The following CANT1 variants were observed in gnomAD, a reference collection of about 807,000 sequenced individuals.
CANT1 encodes calcium activated nucleotidase 1, also known as soluble calcium-activated nucleotidase 1.
In CANT1, 26 loss-of-function variants were observed where a neutral mutation model predicts 30.0. That is an observed-to-expected ratio of 0.87 (90% CI 0.64 to 1.20). The LOEUF is 1.20. CANT1 is among the 50% of genes most tolerant of loss of function. The pLI, the probability that CANT1 is intolerant of heterozygous loss-of-function variation, is 0.00. For missense variants in CANT1, 518 were observed against 563.0 expected (o/e 0.92, Z 0.81); for synonymous variants, 246 against 251.8 (o/e 0.98, Z 0.22).
chr17:78,999,404 C>A (rs1207856802), intron 1 of CANT1, among the ~76,000 whole-genome samples: 2 of 152,212 alleles, frequency 1.3e-5, no homozygotes, highest in African/African-American at 2.4e-5. Context: ...AGTCCCAAGG[C>A]CTCAAAACCC....
chr17:79,001,609 A>C (rs2071266975), intron 1 of CANT1, among the ~76,000 whole-genome samples: 1 of 106,976 alleles, frequency 9.3e-6, no homozygotes, highest in Non-Finnish European at 1.8e-5. Context: ...GAGCACCCAC[A>C]CCTACACCCT....
chr17:78,998,754 C>T lies in CANT1; in HGVS notation c.-146-791G>A, dbSNP rs1017694583. ...CAGTGGGGCGTGGGGAGACAGCTCC[C>T]GGTGCTTCGATCGAGAACACTGGCC... On this transcript the variant is annotated intron_variant, in intron 1 of 4. Transcript: ENST00000392446. The surrounding 1 kb of genome is among the most constrained non-coding windows in gnomAD (Gnocchi z 4.5). 2.0e-5 allele frequency among the ~76,000 whole-genome samples: 3 copies of T among 152,274 alleles called. No homozygotes were observed. Among genetic ancestry groups the T allele is most frequent in the African/African-American group, 4.8e-5 (2 of 41,480 alleles).
chr17:78,993,790 G>A lies in CANT1; in HGVS notation c.966C>T (p.Ser322=), dbSNP rs140989921. The A allele has an allele frequency of 1.3e-4, 206 of 1,611,694 alleles. No individual in the cohort carries two copies. In the African/African-American group the frequency reaches 2.0e-3, roughly 16 times the overall value. ...DERKGANLLL[S]ASPDFGDIAV... Reference sequence around the variant, plus strand: ...CGATGTCGCCGAAGTCAGGGGAGGCGCTCAGCAGCAGGTTGGCGCCCTTGC... The same window carrying A: ...CGATGTCGCCGAAGTCAGGGGAGGCACTCAGCAGCAGGTTGGCGCCCTTGC... Residue 322 remains serine, a synonymous_variant, in exon 5 of 5, where the codon AGC becomes AGT. Transcript: ENST00000392446. This position sits in a 1 kb window ranked among gnomAD's most constrained non-coding sequence, Gnocchi z 4.5.
intron 4 of CANT1, among the ~76,000 whole-genome samples, chr17:78,994,311 G>A (rs2070950548): frequency 6.6e-6 from 1 of 152,192 alleles, no homozygotes; most frequent in Non-Finnish European, 1.5e-5. Context: ...ACAGCGTCTG[G>A]GGCCCCAGGC....
rs762657003 is a variant in CANT1, at chr17:78,998,010, G to A, written c.-146-47C>T. ...AGTCAGGTGGGAGGGGAAGGCTGACGGGGTGAAGTGGGATAGGATCATAGA... is the reference window on the plus strand; with the variant it reads ...AGTCAGGTGGGAGGGGAAGGCTGACAGGGTGAAGTGGGATAGGATCATAGA... On this transcript the variant is annotated intron_variant, in intron 1 of 4. Coordinates refer to ENST00000392446, the MANE Select transcript of CANT1 (RefSeq NM_001159773.2). The surrounding 1 kb of genome is among the most constrained non-coding windows in gnomAD (Gnocchi z 4.5). The A allele has an allele frequency of 1.0e-4, 27 of 258,758 alleles. No individual in the cohort carries two copies. Among genetic ancestry groups the A allele is most frequent in the Middle Eastern group, 1.2e-3 (1 of 852 alleles). The allele number at this position is 258,758 out of a possible 1,614,324, so 16.0% of individuals were successfully genotyped here.
chr17:79,000,464 T>G (rs2145845059), intron 1 of CANT1, among the ~76,000 whole-genome samples: 1 of 138,428 alleles, frequency 7.2e-6, no homozygotes, highest in East Asian at 2.3e-4. Context: ...GACACTCCCA[T>G]ACCCCCCGCC....
rs868277630 is a variant in CANT1, at chr17:78,997,944, G to C, written c.-127C>G. 8.6e-6 allele frequency: 3 copies of C among 349,716 alleles called. No individual in the cohort carries two copies. The highest frequency in any genetic ancestry group is 6.1e-5 in the African/African-American group (3 of 48,806). The allele number at this position is 349,716 out of a possible 1,614,324, so 21.7% of individuals were successfully genotyped here. A position where few individuals can be genotyped will look rare whatever the true frequency, so the allele number is the denominator to read the frequency against. ...GAGTGAGGAAGGAAGTTCCATGCAG[G>C]CTGGTGCTCTGTGGTCCCTCTAAAG... On this transcript the variant is annotated 5_prime_UTR_variant, in exon 2 of 5. Coordinates refer to ENST00000392446, the MANE Select transcript of CANT1 (RefSeq NM_001159773.2). The surrounding 1 kb of genome is among the most constrained non-coding windows in gnomAD (Gnocchi z 7.5).
In CANT1 at chr17:78,995,001, G is replaced by A. The variant is rs758400427; in HGVS notation, c.835+17C>T. 2.6e-6 allele frequency: 4 copies of A among 1,553,072 alleles called. No homozygotes were observed. Among genetic ancestry groups the A allele is most frequent in the South Asian group, 1.2e-5 (1 of 84,714 alleles). ...GCTGTGGAAGCCACACTGTGGGCTGGGGCAGGCGTCTCTTACCTGGCGGCT... is the reference window on the plus strand; with the variant it reads ...GCTGTGGAAGCCACACTGTGGGCTGAGGCAGGCGTCTCTTACCTGGCGGCT... On this transcript the variant is annotated intron_variant, in intron 4 of 4. Coordinates refer to ENST00000392446, the MANE Select transcript of CANT1 (RefSeq NM_001159773.2). This position sits in a 1 kb window ranked among gnomAD's most constrained non-coding sequence, Gnocchi z 5.7.
chr17:78,996,311 C>T lies in CANT1; in HGVS notation c.631+681G>A, dbSNP rs146892608. ...GGGATCCACCGCCAGCTCAGACAAA[C>T]GGAGCTCAGAGGAGCTGGCAGCTCC... On this transcript the variant is annotated intron_variant, in intron 3 of 4. Coordinates refer to ENST00000392446, the MANE Select transcript of CANT1 (RefSeq NM_001159773.2). This position sits in a 1 kb window ranked among gnomAD's most constrained non-coding sequence, Gnocchi z 5.1. 1.2e-4 allele frequency among the ~76,000 whole-genome samples: 19 copies of T among 152,246 alleles called. 1 individual carries two copies. In the East Asian group the frequency reaches 3.3e-3, roughly 26 times the overall value.
rs2071131706 is a variant in CANT1 at position 78,998,719 on chromosome 17, C to T, written c.-146-756G>A. On this transcript the variant is annotated intron_variant, in intron 1 of 4. Coordinates refer to ENST00000392446, the MANE Select transcript of CANT1 (RefSeq NM_001159773.2). This position sits in a 1 kb window ranked among gnomAD's most constrained non-coding sequence, Gnocchi z 4.5. The stretch of plus-strand genomic sequence containing the variant: ...AGAGCTGCCTGTCTCTGGACAGCCG[C>T]CAAGTGCCACAGTGGGGCGTGGGGA... 6.6e-6 allele frequency among the ~76,000 whole-genome samples: 1 copy of T among 152,264 alleles called. No individual in the cohort carries two copies. Among genetic ancestry groups the T allele is most frequent in the Non-Finnish European group, 1.5e-5 (1 of 68,038 alleles).
intron 1 of CANT1, among the ~76,000 whole-genome samples, chr17:79,001,921 G>T (rs139525275): frequency 1.3e-5 from 2 of 152,028 alleles, no homozygotes; most frequent in Non-Finnish European, 2.9e-5. Flanking sequence ...GGCAGTGCCG[G>T]CCCTCAGGAG....
chr17:78,997,178 T>C lies in CANT1; in HGVS notation c.445A>G (p.Lys149Glu). The C allele has an allele frequency of 6.2e-7, 1 of 1,614,218 alleles. No homozygotes were observed. The highest frequency in any genetic ancestry group is 8.5e-7 in the Non-Finnish European group (1 of 1,180,054). ...TGGGACTCCAGGACCCCATGGTCTTTGTCCCATTCCACGGCCACCTTGTCC... is the reference window on the plus strand; with the variant it reads ...TGGGACTCCAGGACCCCATGGTCTTCGTCCCATTCCACGGCCACCTTGTCC... ...SGDKVAVEWD[K>E]DHGVLESHLA... The change falls in exon 3 of 5, where the codon AAA becomes GAA. Residue 149 changes from lysine (K) to glutamate (E), a missense_variant. This residue lies in a region of CANT1 where 249 missense variants were observed against 268.8 expected (regional missense o/e 0.93). Coordinates refer to ENST00000392446, the MANE Select transcript of CANT1 (RefSeq NM_001159773.2). This position sits in a 1 kb window ranked among gnomAD's most constrained non-coding sequence, Gnocchi z 7.5.
Position 78,993,948 on chromosome 17 carries a change from C to T in CANT1, c.836-28G>A, listed in dbSNP as rs2070933110. On this transcript the variant is annotated intron_variant, in intron 4 of 4. Coordinates refer to ENST00000392446, the MANE Select transcript of CANT1 (RefSeq NM_001159773.2). The surrounding 1 kb of genome is among the most constrained non-coding windows in gnomAD (Gnocchi z 4.5). ...GGGAACCGGGTGACCGCGGGTCAGA[C>T]ACGCATGCGGCCTGGTGTGCCCAGC... is the stretch of plus-strand genomic sequence containing the variant. 1.3e-6 allele frequency: 2 copies of T among 1,548,142 alleles called. No homozygotes were observed. Among genetic ancestry groups the T allele is most frequent in the African/African-American group, 2.7e-5 (2 of 73,520 alleles).
At chr17:79,001,559 T>A (rs909767564) in intron 1 of CANT1, among the ~76,000 whole-genome samples, 1 of 150,212 alleles carries the variant, frequency 6.7e-6, no homozygotes, top group Non-Finnish European at 1.5e-5. Flanking sequence ...CTCTGTCCCT[T>A]CCCACCCCCG....
chr17:79,009,719 T>G lies in CANT1; in HGVS notation c.-202A>C, dbSNP rs377716176. The G allele has an allele frequency of 3.3e-3, 499 of 151,266 alleles. 5 individuals are homozygous for G. In the East Asian group the frequency reaches 0.046, roughly 14 times the overall value. 9.4% of individuals were successfully genotyped at this position (151,266 alleles called of 1,614,324 possible). A position where few individuals can be genotyped will look rare whatever the true frequency, so the allele number is the denominator to read the frequency against. On this transcript the variant is annotated 5_prime_UTR_variant, in exon 1 of 5. Coordinates refer to ENST00000392446, the MANE Select transcript of CANT1 (RefSeq NM_001159773.2). ...TCGGCGGGGCTTGGCTGGGCTTGGC[T>G]GGGCTTGGCTGGGCTAACGGCCGGG...
rs375082589 is a variant in CANT1, at chr17:78,995,012, T to C, written c.835+6A>G. On this transcript the variant is annotated splice_donor_region_variant and intron_variant, in intron 4 of 4. Coordinates refer to ENST00000392446, the MANE Select transcript of CANT1 (RefSeq NM_001159773.2). This position sits in a 1 kb window ranked among gnomAD's most constrained non-coding sequence, Gnocchi z 5.7. ...CACACTGTGGGCTGGGGCAGGCGTC[T>C]CTTACCTGGCGGCTGGATGCCGGCA... 291 of 1,561,456 alleles carry C rather than the reference T, an allele frequency of 1.9e-4. No homozygotes were observed. Among genetic ancestry groups the C allele is most frequent in the Non-Finnish European group, 2.2e-4 (256 of 1,154,104 alleles).
rs547483199 is a variant in CANT1 at position 78,993,757 on chromosome 17, G to C, written c.999C>G (p.Ser333Arg). ...GAGTGGGGACCACCGCCCCGACGTG[G>C]CTCACAGCGATGTCGCCGAAGTCAG... ...ASPDFGDIAV[S>R]HVGAVVPTHG... The change falls in exon 5 of 5, where the codon AGC becomes AGG. Residue 333 changes from serine (S) to arginine (R), a missense_variant. By Grantham distance (110) the Ser-to-Arg change is moderately radical. Around this residue, in one of 3 missense-constraint regions of CANT1, gnomAD observed 221 missense variants for 211.8 expected, o/e 1.04. Transcript: ENST00000392446. This position sits in a 1 kb window ranked among gnomAD's most constrained non-coding sequence, Gnocchi z 4.5. 2 of 1,613,592 alleles carry C rather than the reference G, an allele frequency of 1.2e-6. No homozygotes were observed. Among genetic ancestry groups the C allele is most frequent in the Admixed American group, 3.3e-5 (2 of 60,036 alleles).
rs1010182925 is a variant in CANT1 at position 78,992,470 on chromosome 17, A to G, written c.*1080T>C. On this transcript the variant is annotated 3_prime_UTR_variant, in exon 5 of 5. Coordinates refer to ENST00000392446, the MANE Select transcript of CANT1 (RefSeq NM_001159773.2). ...GTACACTCCAGCGAAGCCGAGGCCC[A>G]GCCAACGCTCGTGAAGTTTCCACAG... 2.7e-6 allele frequency: 1 copy of G among 370,394 alleles called. No individual in the cohort carries two copies. Among genetic ancestry groups the G allele is most frequent in the South Asian group, 2.9e-5 (1 of 34,736 alleles). 22.9% of individuals were successfully genotyped at this position (370,394 alleles called of 1,614,324 possible).
chr17:78,996,859 G>A lies in CANT1; in HGVS notation c.631+133C>T. On this transcript the variant is annotated intron_variant, in intron 3 of 4. Transcript: ENST00000392446. This position sits in a 1 kb window ranked among gnomAD's most constrained non-coding sequence, Gnocchi z 5.1. ...AAGGGGGCCGCAGGTCAGAGCAAGAGGGAGACGTGCTCCCTCACCACATCC... is the reference window on the plus strand; with the variant it reads ...AAGGGGGCCGCAGGTCAGAGCAAGAAGGAGACGTGCTCCCTCACCACATCC... 1 of 1,269,466 alleles carries A rather than the reference G, an allele frequency of 7.9e-7. No individual in the cohort carries two copies. The highest frequency in any genetic ancestry group is 1.1e-6 in the Non-Finnish European group (1 of 880,416). The allele number at this position is 1,269,466 out of a possible 1,614,324, so 78.6% of individuals were successfully genotyped here. A position where few individuals can be genotyped will look rare whatever the true frequency, so the allele number is the denominator to read the frequency against.
Sources: gnomAD v4.1 joint callset for allele counts (sites outside exome capture counted in the v4.1 genomes callset) on GRCh38, gnomAD v4.1.1 for gene constraint, gnomAD v4.1.1 regional missense constraint, Gnocchi (gnomAD v3.1) non-coding constraint, MANE v1.5 for transcripts, NCBI Gene and HGNC (gene_info 2026-07-23, HGNC 2026-07-21) for gene names.